WSCD1: variants seen among roughly 807,000 people sequenced by gnomAD.
The protein encoded by WSCD1 is WSC domain sialate O sulfotransferase 1.
A neutral mutation model predicts 60.4 loss-of-function variants in WSCD1; 41 were observed. The ratio of observed to expected loss-of-function variants is 0.68; its 90% CI spans 0.53 to 0.88. The LOEUF is 0.88. Ranked by LOEUF, WSCD1 falls within the 40% of genes least tolerant of loss-of-function variation. The pLI, the probability that WSCD1 is intolerant of heterozygous loss-of-function variation, is 0.00. For missense variants in WSCD1, 784 were observed against 796.2 expected, an observed-to-expected ratio of 0.98 and a Z score of 0.18; for synonymous variants, 361 against 332.5, an observed-to-expected ratio of 1.09 and a Z score of -0.93.
At chr17:6,092,090 G>T (rs1304145958) in intron 4 of WSCD1, among the ~76,000 whole-genome samples, 1 of 147,684 alleles carries the variant, frequency 6.8e-6, no homozygotes, top group Non-Finnish European at 1.5e-5. Flanking sequence ...GGAGGCGGAG[G>T]TTGCAGTGAG....
Position 6,120,811 on chromosome 17 carries a change from T to C in WSCD1, c.*150T>C, listed in dbSNP as rs904935176. ...GTGCTGCCTCCCGCACAAGGAGACC[T>C]GGACACAACAGACACACATCACAAG... On this transcript the variant is annotated 3_prime_UTR_variant, in exon 9 of 9. Coordinates refer to ENST00000317744, the MANE Select transcript of WSCD1 (RefSeq NM_015253.2). 29 of 773,554 alleles carry C rather than the reference T, an allele frequency of 3.7e-5. No individual in the cohort carries two copies. In the African/African-American group the frequency reaches 4.5e-4, roughly 12 times the overall value. 47.9% of individuals were successfully genotyped at this position (773,554 alleles called of 1,614,324 possible).
chr17:6,076,036 C>T (rs1309505533), intron 1 of WSCD1, among the ~76,000 whole-genome samples: 2 of 152,184 alleles, frequency 1.3e-5, no homozygotes, highest in Admixed American at 6.5e-5. Context: ...GACAGAGGCG[C>T]ACTAAACTCC....
At chr17:6,071,083 C>G (rs1020230863) in intron 1 of WSCD1, 4 of 152,238 alleles carry the variant, frequency 2.6e-5, no homozygotes, top group Admixed American at 6.5e-5. Context: ...AGCTCCCTCT[C>G]GTTCCGCTAC....
In WSCD1 at chr17:6,120,531, G is replaced by C; in HGVS notation, c.1598G>C (p.Arg533Pro). The change falls in exon 9 of 9, where the codon CGG becomes CCG. Residue 533 changes from arginine (R) to proline (P), a missense_variant. Transcript: ENST00000317744. ...GAGGGCAGCTTCCGGCGGCGCGGCC[G>C]GCGCTCCCACGACCCTGAGCCCTTC... ...NKEGSFRRRG[R>P]RSHDPEPFTP... 6.8e-6 allele frequency: 11 copies of C among 1,613,728 alleles called. No individual in the cohort carries two copies. The Middle Eastern group carries it at 1.6e-3, about 242-fold the overall frequency.
chr17:6,096,452 A>G (rs1567555693), intron 5 of WSCD1, among the ~76,000 whole-genome samples: 1 of 151,898 alleles, frequency 6.6e-6, no homozygotes. Flanking sequence ...GCTGGAGAAC[A>G]AGGGGGCTGG....
intron 5 of WSCD1, among the ~76,000 whole-genome samples, chr17:6,102,606 T>A (rs1204955376): frequency 6.6e-6 from 1 of 152,234 alleles, no homozygotes; most frequent in East Asian, 1.9e-4. Context: ...AAAAATAGAA[T>A]GCACCTGTAA....
chr17:6,109,598 C>T lies in WSCD1; in HGVS notation c.850-9C>T, dbSNP rs1165554858. 4.3e-6 allele frequency: 7 copies of T among 1,612,638 alleles called. No homozygotes were observed. The East Asian group carries it at 6.7e-5, about 15-fold the overall frequency. The stretch of plus-strand genomic sequence containing the variant: ...TCAGTGTGCTTCTCTTCTTATCGTT[C>T]CCTGGCAGGAGTTCCCCTTGGCCAT... On this transcript the variant is annotated splice_polypyrimidine_tract_variant and intron_variant, in intron 5 of 8. Coordinates refer to ENST00000317744, the MANE Select transcript of WSCD1 (RefSeq NM_015253.2).
At chr17:6,119,118 A>G (rs1352086892) in intron 8 of WSCD1, among the ~76,000 whole-genome samples, 1 of 151,934 alleles carries the variant, frequency 6.6e-6, no homozygotes, top group Non-Finnish European at 1.5e-5. Context: ...ACCATATCTG[A>G]CTCTAATCGC....
intron 4 of WSCD1, among the ~76,000 whole-genome samples, chr17:6,093,105 G>T (rs759096169): frequency 1.1e-4 from 16 of 152,224 alleles, no homozygotes; most frequent in Non-Finnish European, 2.1e-4. Context: ...CAACGTCTTC[G>T]CCTTGGAGGC....
At position 6,070,417 on chromosome 17, in the gene WSCD1, C is replaced by G. The variant is rs1413222268; in HGVS notation, c.-524C>G. 2 of 146,746 alleles carry G rather than the reference C, an allele frequency of 1.4e-5. No homozygotes were observed. The highest frequency in any genetic ancestry group is 3.0e-5 in the Non-Finnish European group (2 of 65,758). The allele number at this position is 146,746 out of a possible 1,614,324, so 9.1% of individuals were successfully genotyped here. On this transcript the variant is annotated 5_prime_UTR_variant, in exon 1 of 9. Transcript: ENST00000317744. The stretch of plus-strand genomic sequence containing the variant: ...CCCGCTCGCCCGCCCGCTGCCCGCC[C>G]CGGCTCCGCGCCCGCCCGCCCGCCC...
At chr17:6,070,039 T>C (rs1908427156), upstream of WSCD1, among the ~76,000 whole-genome samples, 1 of 151,634 alleles carries the variant, frequency 6.6e-6, no homozygotes, top group South Asian at 2.1e-4. Flanking sequence ...CGGCGTGCTC[T>C]CCTCTGCGCG....
rs765745349 is a variant in WSCD1 at position 6,095,102 on chromosome 17, G to C, written c.728G>C (p.Arg243Pro). 9 of 1,609,710 alleles carry C rather than the reference G, an allele frequency of 5.6e-6. No individual in the cohort carries two copies. The highest frequency in any genetic ancestry group is 1.3e-5 in the African/African-American group (1 of 74,740). Reference protein sequence around the residue: ...VDELQPGSRKRRTATYRGCFR... With the variant: ...VDELQPGSRKPRTATYRGCFR... ...CAGAAACCCCTCTCTTTTCCCCCAG[G>C]GCGGACCGCCACCTACCGCGGATGC... The change falls in exon 5 of 9, where the codon CGG becomes CCG. Residue 243 changes from arginine to proline, a missense_variant and splice_region_variant. Physicochemically the swap from Arg to Pro is moderately radical, Grantham distance 103. Transcript: ENST00000317744.
chr17:6,112,758 G>A (rs1911479643), intron 7 of WSCD1, among the ~76,000 whole-genome samples: 2 of 152,074 alleles, frequency 1.3e-5, no homozygotes, highest in Non-Finnish European at 2.9e-5. Flanking sequence ...AAAGATCTCT[G>A]CAAAGATAAC....
At chr17:6,112,196 G>C (rs1011273286) in intron 7 of WSCD1, among the ~76,000 whole-genome samples, 2 of 152,152 alleles carry the variant, frequency 1.3e-5, no homozygotes, top group African/African-American at 2.4e-5. Context: ...CAATCCAAAA[G>C]TACTGGAGGG....
At chr17:6,117,674 T>C (rs898187091) in intron 7 of WSCD1, among the ~76,000 whole-genome samples, 2 of 152,234 alleles carry the variant, frequency 1.3e-5, no homozygotes. Context: ...CCAAAACATA[T>C]GCGTGCATCT....
chr17:6,086,404 C>T (rs1314977831), intron 2 of WSCD1, among the ~76,000 whole-genome samples: 3 of 151,718 alleles, frequency 2.0e-5, no homozygotes, highest in African/African-American at 7.3e-5. Flanking sequence ...GGCATGATCC[C>T]AGCTCACTGC....
At chr17:6,076,987 G>T (rs141426305) in intron 1 of WSCD1, among the ~76,000 whole-genome samples, 1 of 152,162 alleles carries the variant, frequency 6.6e-6, no homozygotes, top group Non-Finnish European at 1.5e-5. Flanking sequence ...TGCCCTGGAG[G>T]GGGGCTGCCA....
intron 7 of WSCD1, among the ~76,000 whole-genome samples, chr17:6,112,926 A>G (rs140061520): frequency 2.0e-5 from 3 of 152,302 alleles, no homozygotes; most frequent in African/African-American, 7.2e-5. Context: ...GACATTCTTC[A>G]CAGAAACAGA....
intron 8 of WSCD1, among the ~76,000 whole-genome samples, chr17:6,119,869 C>T (rs977747586): frequency 6.6e-6 from 1 of 152,116 alleles, no homozygotes; most frequent in Non-Finnish European, 1.5e-5. Flanking sequence ...CACCCCTCCC[C>T]CAAAATTAAT....
Sources: gnomAD v4.1 joint callset for allele counts (sites outside exome capture counted in the v4.1 genomes callset) on GRCh38, gnomAD v4.1.1 for gene constraint, MANE v1.5 for transcripts, NCBI Gene and HGNC (gene_info 2026-07-23, HGNC 2026-07-21) for gene names.